Variants in PKHD1L1 observed in about 807,000 individuals in gnomAD.
PKHD1L1 encodes PKHD1 like 1, also known as fibrocystin-L.
Under a neutral mutation model 462.9 loss-of-function variants are expected in PKHD1L1, and 434 were observed. That is an observed-to-expected ratio of 0.94 (90% CI 0.87 to 1.02). The LOEUF (loss-of-function observed/expected upper bound fraction) is 1.02. Among genes scored for constraint, PKHD1L1 ranks in the 50% least tolerant of loss-of-function variants. PKHD1L1 has a pLI of 0.00. For missense variants in PKHD1L1, 5,202 were observed against 5,096.1 expected, an observed-to-expected ratio of 1.02 and a Z score of -0.63; for synonymous variants, 1,781 against 1,750.0, an observed-to-expected ratio of 1.02 and a Z score of -0.44.
At chr8:109,527,276 T>TG (rs960499349) in intron 77 of PKHD1L1, among the ~76,000 whole-genome samples, 3 of 152,068 alleles carry the variant, frequency 2.0e-5, no homozygotes, top group African/African-American at 7.2e-5. Flanking sequence ...CTGAGGCAGG[T>TG]GGATCACCTG....
intron 17 of PKHD1L1, among the ~76,000 whole-genome samples, chr8:109,407,116 A>G (rs894014181): frequency 6.6e-6 from 1 of 152,118 alleles, no homozygotes; most frequent in Admixed American, 6.6e-5. Flanking sequence ...GCTTTTTGGT[A>G]TATTTAGCTC....
At chr8:109,465,365 C>G in intron 49 of PKHD1L1, 120 bp downstream of exon 49, 1 of 1,075,736 alleles carries the variant, frequency 9.3e-7, no homozygotes, top group South Asian at 1.7e-5. Flanking sequence ...GCAAACTTTA[C>G]TAATAATTTA....
chr8:109,437,390 C>T lies in PKHD1L1; in HGVS notation c.3627+931C>T, dbSNP rs145484892. Reference sequence around the variant, plus strand: ...TAAGTTTTAGGGTACATGTGCACAACGTGCAGGTTAGTTACATATGTATAC... The same window carrying T: ...TAAGTTTTAGGGTACATGTGCACAATGTGCAGGTTAGTTACATATGTATAC... On this transcript the variant is annotated intron_variant, in intron 30 of 77. Coordinates refer to ENST00000378402, the MANE Select transcript of PKHD1L1 (RefSeq NM_177531.6). Among the ~76,000 whole-genome samples, 768 of 151,972 alleles carry T rather than the reference C, an allele frequency of 5.1e-3. 9 individuals carry two copies. The highest frequency in any genetic ancestry group is 0.018 in the African/African-American group (733 of 41,446).
At chr8:109,423,526 T>C (rs1029806787) in intron 23 of PKHD1L1, among the ~76,000 whole-genome samples, 14 of 152,206 alleles carry the variant, frequency 9.2e-5, no homozygotes, top group African/African-American at 3.4e-4. Context: ...CTATTGTATC[T>C]GAATAGTTAG....
chr8:109,523,180 A>C (rs1391460148), intron 75 of PKHD1L1, 53 bp from the exon 76 acceptor site: 2 of 1,468,540 alleles, frequency 1.4e-6, no homozygotes, highest in Non-Finnish European at 1.8e-6. Flanking sequence ...ATATTTTTAA[A>C]AGCATGGAAA....
At chr8:109,474,434 T>A (rs2130864808) in intron 50 of PKHD1L1, among the ~76,000 whole-genome samples, 1 of 152,310 alleles carries the variant, frequency 6.6e-6, no homozygotes, top group South Asian at 2.1e-4. Flanking sequence ...AATTATATAG[T>A]TTTTCCTGTA....
At chr8:109,484,396 G>A (rs559779536) in intron 57 of PKHD1L1, among the ~76,000 whole-genome samples, 13 of 152,020 alleles carry the variant, frequency 8.6e-5, no homozygotes, top group Admixed American at 3.3e-4. Flanking sequence ...ATTGGAGTGG[G>A]AGAGTCAGAT....
At chr8:109,399,974 T>C in intron 12 of PKHD1L1, 102 bp from the exon 13 acceptor site, 1 of 1,230,784 alleles carries the variant, frequency 8.1e-7, no homozygotes, top group Non-Finnish European at 1.1e-6. Flanking sequence ...ACTAAAAATA[T>C]GAATTGATAT....
intron 73 of PKHD1L1, among the ~76,000 whole-genome samples, chr8:109,519,755 T>C (rs1445750546): frequency 2.6e-5 from 4 of 152,136 alleles, no homozygotes; most frequent in African/African-American, 7.2e-5. Flanking sequence ...GGTCAAATCA[T>C]TGAATGTTAT....
chr8:109,501,447 C>A (rs574893885), intron 67 of PKHD1L1, among the ~76,000 whole-genome samples: 1 of 152,230 alleles, frequency 6.6e-6, no homozygotes, highest in South Asian at 2.1e-4. Flanking sequence ...AAACTCACAC[C>A]AGGAATACAT....
chr8:109,442,927 C>A lies in PKHD1L1; in HGVS notation c.4394-19C>A, dbSNP rs376198454. 1.2e-6 allele frequency: 2 copies of A among 1,608,386 alleles called. No individual in the cohort carries two copies. Among genetic ancestry groups the A allele is most frequent in the African/African-American group, 2.7e-5 (2 of 74,756 alleles). ...ATTAATTGCTTATATTTATTACGTA[C>A]AATCTCATTTTATGGCAGGTTCATT... is the stretch of plus-strand genomic sequence containing the variant. On this transcript the variant is annotated intron_variant, in intron 35 of 77. Coordinates refer to ENST00000378402, the MANE Select transcript of PKHD1L1 (RefSeq NM_177531.6).
intron 7 of PKHD1L1, among the ~76,000 whole-genome samples, chr8:109,388,869 A>C (rs1812566450): frequency 6.6e-6 from 1 of 152,164 alleles, no homozygotes; most frequent in Admixed American, 6.5e-5. Context: ...AGTCAAATTA[A>C]TTATAAAATA....
intron 67 of PKHD1L1, among the ~76,000 whole-genome samples, chr8:109,502,898 G>A (rs186247469): frequency 2.0e-5 from 3 of 152,026 alleles, no homozygotes; most frequent in African/African-American, 7.3e-5. Context: ...GAGGCAAAAG[G>A]TTCTTCCATA....
Position 109,394,170 on chromosome 8 carries a change from CAAAAAAAAAAAAA to C in PKHD1L1, c.741-230_741-218del, listed in dbSNP as rs146708536. ...GCCTGGCAACAGAGCGAGACTCTGT[CAAAAAAAAAAAAA>C]AAAAAAAAAAAAAAGAAATCAACTT... is the stretch of plus-strand genomic sequence containing the variant. On this transcript the variant is annotated intron_variant, in intron 9 of 77. Transcript: ENST00000378402. Among the ~76,000 whole-genome samples the C allele has an allele frequency of 1.7e-4, 11 of 63,708 alleles. No individual in the cohort carries two copies. The East Asian group carries it at 4.1e-3, about 24-fold the overall frequency. The allele number at this position is 63,708 out of a possible 152,430, so 41.8% of individuals were successfully genotyped here.
intron 2 of PKHD1L1, among the ~76,000 whole-genome samples, chr8:109,372,997 T>C (rs938527980): frequency 2.0e-5 from 3 of 152,240 alleles, no homozygotes; most frequent in African/African-American, 4.8e-5. Flanking sequence ...CCAGCTTTGG[T>C]ATCAGGATGA....
chr8:109,518,576 C>T, intron 73 of PKHD1L1, 68 bp downstream of exon 73: 7 of 1,336,960 alleles, frequency 5.2e-6, no homozygotes, highest in Non-Finnish European at 7.1e-6. Context: ...ATAACCTGAT[C>T]AGGGCTTGGT....
intron 50 of PKHD1L1, chr8:109,470,932 A>C: frequency 6.2e-7 from 1 of 1,605,356 alleles, no homozygotes; most frequent in Non-Finnish European, 8.5e-7. Flanking sequence ...ATGAGGAAGG[A>C]TTTCTGAACA....
At chr8:109,406,253 G>A (rs1586444646) in intron 16 of PKHD1L1, 82 bp from the exon 17 acceptor site, 10 of 1,326,412 alleles carry the variant, frequency 7.5e-6, no homozygotes, top group African/African-American at 4.5e-5. Flanking sequence ...ATATAAATAC[G>A]AGACATCAGT....
chr8:109,459,753 T>A lies in PKHD1L1; in HGVS notation c.7163T>A (p.Leu2388His), dbSNP rs1199729641. 6.2e-7 allele frequency: 1 copy of A among 1,611,594 alleles called. No individual in the cohort carries two copies. The highest frequency in any genetic ancestry group is 1.3e-5 in the African/African-American group (1 of 74,836). The change falls in exon 47 of 78, where the codon CTT becomes CAT. Residue 2388 changes from leucine (L) to histidine (H), a missense_variant. Leu to His is a moderately conservative substitution (Grantham distance 99). Around this residue, in one of 3 missense-constraint regions of PKHD1L1, gnomAD observed 4,497 missense variants for 4,336.8 expected, o/e 1.04. Coordinates refer to ENST00000378402, the MANE Select transcript of PKHD1L1 (RefSeq NM_177531.6). ...LFEARAEVGI[L>H]TRNILIRGSD... ...GAAGCAAGAGCAGAAGTTGGAATTC[T>A]TACAAGAAATATTTTAATAAGAGGA... is the stretch of plus-strand genomic sequence containing the variant.
Sources: allele counts gnomAD v4.1 joint callset (sites outside exome capture counted in the v4.1 genomes callset), GRCh38; gene constraint gnomAD v4.1.1; regional missense constraint gnomAD v4.1.1; transcripts MANE v1.5; gene names NCBI Gene and HGNC (gene_info 2026-07-23, HGNC 2026-07-21).